CDK6: variants seen among roughly 807,000 people sequenced by gnomAD.
The protein encoded by CDK6 is cyclin-dependent kinase 6.
In CDK6, 6 loss-of-function variants were observed where a neutral mutation model predicts 37.1. That is an observed-to-expected ratio of 0.16 (90% CI 0.09 to 0.32). CDK6 has a LOEUF of 0.32. CDK6 is among the 10% of genes least tolerant of loss of function. CDK6 has a pLI of 1.00. For missense variants in CDK6, 224 were observed against 418.9 expected (o/e 0.53, Z 4.06); for synonymous variants, 160 against 161.3 (o/e 0.99, Z 0.06).
intron 2 of CDK6, among the ~76,000 whole-genome samples, chr7:92,797,741 G>A (rs894942989): frequency 1.1e-4 from 17 of 152,196 alleles, no homozygotes; most frequent in African/African-American, 4.1e-4. Context: ...AACTCTTTGG[G>A]CAGCACAGAT....
intron 5 of CDK6, among the ~76,000 whole-genome samples, chr7:92,644,651 T>C (rs1006150312): frequency 6.6e-6 from 1 of 152,154 alleles, no homozygotes; most frequent in Non-Finnish European, 1.5e-5. Context: ...AGGCCAAAAT[T>C]CCTTTCCCAA....
At chr7:92,681,798 G>A (rs1381863885) in intron 4 of CDK6, among the ~76,000 whole-genome samples, 2 of 152,072 alleles carry the variant, frequency 1.3e-5, no homozygotes, top group Non-Finnish European at 2.9e-5. Context: ...CTTACATGAA[G>A]CACAATCCTT....
intron 4 of CDK6, among the ~76,000 whole-genome samples, chr7:92,703,514 T>C (rs1296393056): frequency 6.6e-6 from 1 of 152,210 alleles, no homozygotes; most frequent in Non-Finnish European, 1.5e-5. Context: ...TAATATGACC[T>C]ATGGTTAAGT....
chr7:92,703,053 C>T (rs1049861525), intron 4 of CDK6, among the ~76,000 whole-genome samples: 1 of 152,130 alleles, frequency 6.6e-6, no homozygotes, highest in African/African-American at 2.4e-5. Context: ...TAATCGAGAC[C>T]CACTGATATA....
At position 92,678,591 on chromosome 7, in the gene CDK6, G is replaced by A. The variant is rs759015011; in HGVS notation, c.538-7056C>T. 5.2e-4 allele frequency among the ~76,000 whole-genome samples: 79 copies of A among 152,216 alleles called. 1 individual carries two copies. The highest frequency in any genetic ancestry group is 3.5e-4 in the Non-Finnish European group (24 of 68,020). ...CTTAAAATACATTTCAGAGTAAACCGCTCTCACTTGATGTTATATTTAACA... is the reference window on the plus strand; with the variant it reads ...CTTAAAATACATTTCAGAGTAAACCACTCTCACTTGATGTTATATTTAACA... On this transcript the variant is annotated intron_variant, in intron 4 of 7. Transcript: ENST00000424848.
intron 3 of CDK6, among the ~76,000 whole-genome samples, chr7:92,735,536 C>G (rs909330793): frequency 7.9e-5 from 12 of 152,100 alleles, no homozygotes; most frequent in African/African-American, 2.9e-4. Context: ...GTGGAGAGAA[C>G]CTAGACATTT....
In CDK6 at chr7:92,609,642, C is replaced by G. The variant is rs1254495434; in HGVS notation, c.*5498G>C. The G allele has an allele frequency of 4.3e-6, 1 of 231,242 alleles. No homozygotes were observed. The highest frequency in any genetic ancestry group is 8.6e-6 in the Non-Finnish European group (1 of 116,932). 14.3% of individuals were successfully genotyped at this position (231,242 alleles called of 1,614,324 possible). The stretch of plus-strand genomic sequence containing the variant: ...AAATTTAATCAATGTTGAAAGGCCA[C>G]CATGCTAGGGAATTTGAAAGCAGCA... On this transcript the variant is annotated 3_prime_UTR_variant, in exon 8 of 8. Coordinates refer to ENST00000424848, the MANE Select transcript of CDK6 (RefSeq NM_001145306.2).
intron 3 of CDK6, among the ~76,000 whole-genome samples, chr7:92,750,953 T>A (rs1057351078): frequency 6.6e-6 from 1 of 152,196 alleles, no homozygotes; most frequent in Non-Finnish European, 1.5e-5. Context: ...CCAGCTAAAC[T>A]ACTACACGAT....
chr7:92,729,659 C>T (rs994293454), intron 3 of CDK6, among the ~76,000 whole-genome samples: 2 of 152,160 alleles, frequency 1.3e-5, no homozygotes, highest in Non-Finnish European at 2.9e-5. Flanking sequence ...AGCTCTAATC[C>T]TCTTATTTAA....
At chr7:92,734,961 G>T (rs1259986211) in intron 3 of CDK6, among the ~76,000 whole-genome samples, 1 of 152,150 alleles carries the variant, frequency 6.6e-6, no homozygotes, top group African/African-American at 2.4e-5. Context: ...ATGGATTTCA[G>T]CACATTGTTC....
At chr7:92,724,458 G>A (rs941482288) in intron 4 of CDK6, among the ~76,000 whole-genome samples, 1 of 152,160 alleles carries the variant, frequency 6.6e-6, no homozygotes, top group Non-Finnish European at 1.5e-5. Flanking sequence ...ACGTGTCTAG[G>A]TGGTAGCACC....
intron 5 of CDK6, among the ~76,000 whole-genome samples, chr7:92,668,889 A>G (rs1052877805): frequency 6.6e-6 from 1 of 152,252 alleles, no homozygotes; most frequent in Non-Finnish European, 1.5e-5. Flanking sequence ...CCTTAAAGGC[A>G]TATGAACCTG....
chr7:92,827,869 G>C (rs898847356), intron 2 of CDK6, among the ~76,000 whole-genome samples: 1 of 152,138 alleles, frequency 6.6e-6, no homozygotes. Flanking sequence ...GAACAATAGT[G>C]TGATTAGTTC....
At chr7:92,657,888 T>A (rs936118319) in intron 5 of CDK6, among the ~76,000 whole-genome samples, 15 of 152,108 alleles carry the variant, frequency 9.9e-5, no homozygotes, top group Non-Finnish European at 2.1e-4. Flanking sequence ...ATGATTTTTT[T>A]AAATTTTATT....
chr7:92,801,741 C>A (rs1324133684), intron 2 of CDK6, among the ~76,000 whole-genome samples: 3 of 152,040 alleles, frequency 2.0e-5, no homozygotes, highest in Non-Finnish European at 4.4e-5. Flanking sequence ...CCCACCTCAG[C>A]CTCCTGAGTA....
At chr7:92,796,501 T>C (rs1413533811) in intron 2 of CDK6, among the ~76,000 whole-genome samples, 1 of 152,156 alleles carries the variant, frequency 6.6e-6, no homozygotes, top group Non-Finnish European at 1.5e-5. Context: ...ATCCTAAACA[T>C]TGTTTCTTCA....
intron 5 of CDK6, among the ~76,000 whole-genome samples, chr7:92,670,991 T>G (rs1272322923): frequency 1.3e-5 from 2 of 152,206 alleles, no homozygotes; most frequent in Non-Finnish European, 2.9e-5. Flanking sequence ...CTATTCTTTT[T>G]CAGCCTAAAT....
chr7:92,676,876 G>A (rs922929229), intron 4 of CDK6, among the ~76,000 whole-genome samples: 3 of 151,140 alleles, frequency 2.0e-5, no homozygotes, highest in Admixed American at 6.6e-5. Context: ...GGAGAATGGC[G>A]TGAACCCGGG....
At chr7:92,661,541 A>G (rs948883339) in intron 5 of CDK6, among the ~76,000 whole-genome samples, 2 of 152,224 alleles carry the variant, frequency 1.3e-5, no homozygotes, top group African/African-American at 4.8e-5. Context: ...TTCTTATAAT[A>G]AAGTAAGCAG....
Sources: allele counts gnomAD v4.1 joint callset (sites outside exome capture counted in the v4.1 genomes callset), GRCh38; gene constraint gnomAD v4.1.1; transcripts MANE v1.5; gene names NCBI Gene and HGNC (gene_info 2026-07-23, HGNC 2026-07-21).